Variants in GRID2 observed in about 807,000 individuals in gnomAD.
GRID2 encodes glutamate receptor ionotropic, delta-2.
A neutral mutation model predicts 114.8 loss-of-function variants in GRID2; 33 were observed. That is an observed-to-expected ratio of 0.29 (90% CI 0.22 to 0.38). The LOEUF (loss-of-function observed/expected upper bound fraction) is 0.38, where lower values mean the gene tolerates loss of function less well. Ranked by LOEUF, GRID2 falls within the 10% of genes least tolerant of loss-of-function variation. The pLI is 1.00. For missense variants in GRID2, 1,184 were observed against 1,257.7 expected (o/e 0.94, Z 0.89); for synonymous variants, 505 against 449.9 (o/e 1.12, Z -1.55).
intron 8 of GRID2, among the ~76,000 whole-genome samples, chr4:93,385,578 A>G (rs940564148): frequency 3.3e-5 from 5 of 152,198 alleles, no homozygotes; most frequent in African/African-American, 4.8e-5. Flanking sequence ...AGAGGCAAAG[A>G]TCTTTGCCTA....
intron 7 of GRID2, among the ~76,000 whole-genome samples, chr4:93,228,754 C>G (rs1745788277): frequency 6.6e-6 from 1 of 152,060 alleles, no homozygotes; most frequent in Admixed American, 6.6e-5. Context: ...CATGGTTTGG[C>G]TAGGATGCAG....
At chr4:92,492,334 G>A (rs181193987) in intron 1 of GRID2, among the ~76,000 whole-genome samples, 7 of 152,142 alleles carry the variant, frequency 4.6e-5, no homozygotes, top group South Asian at 2.1e-4. Context: ...GATTTTAACC[G>A]TCCCCAATGT....
At chr4:92,932,026 A>C (rs1484313732) in intron 2 of GRID2, among the ~76,000 whole-genome samples, 1 of 151,308 alleles carries the variant, frequency 6.6e-6, no homozygotes, top group African/African-American at 2.4e-5. Flanking sequence ...CTCAATTTGG[A>C]AGTAGGCAAC....
chr4:92,850,292 T>C (rs1289474292), intron 2 of GRID2, among the ~76,000 whole-genome samples: 3 of 151,702 alleles, frequency 2.0e-5, no homozygotes, highest in African/African-American at 7.2e-5. Flanking sequence ...TTGTATGTTA[T>C]AATTATTCTC....
chr4:93,800,072 T>A (rs949981379), intron 1 of GRID2, among the ~76,000 whole-genome samples: 8 of 152,236 alleles, frequency 5.3e-5, no homozygotes, highest in Admixed American at 5.2e-4. Flanking sequence ...AGAGTAGGAG[T>A]TGGTCTAATA....
chr4:92,818,201 A>G (rs1741032316), intron 2 of GRID2, among the ~76,000 whole-genome samples: 1 of 152,150 alleles, frequency 6.6e-6, no homozygotes, highest in Non-Finnish European at 1.5e-5. Flanking sequence ...TTATAAACTG[A>G]TAAGCAGAAT....
intron 4 of GRID2, among the ~76,000 whole-genome samples, chr4:93,162,839 A>G (rs1737809623): frequency 6.6e-6 from 1 of 151,982 alleles, no homozygotes; most frequent in Non-Finnish European, 1.5e-5. Context: ...AGAACACCCA[A>G]GAGGCAATAT....
chr4:92,488,177 T>C (rs1375006963), intron 1 of GRID2, among the ~76,000 whole-genome samples: 1 of 152,184 alleles, frequency 6.6e-6, no homozygotes, highest in Non-Finnish European at 1.5e-5. Flanking sequence ...ACTCAATTCC[T>C]GTCAAATGTT....
intron 2 of GRID2, among the ~76,000 whole-genome samples, chr4:93,033,183 A>G (rs1365550330): frequency 6.6e-6 from 1 of 152,158 alleles, no homozygotes; most frequent in African/African-American, 2.4e-5. Context: ...AGTTCACACA[A>G]GACCACCCTC....
intron 8 of GRID2, among the ~76,000 whole-genome samples, chr4:93,265,205 A>G (rs1210299223): frequency 6.6e-6 from 1 of 152,192 alleles, no homozygotes; most frequent in Non-Finnish European, 1.5e-5. Flanking sequence ...AGGAACTGGA[A>G]AGATAAGGTG....
At chr4:92,837,387 G>T (rs577449074) in intron 2 of GRID2, among the ~76,000 whole-genome samples, 1 of 150,264 alleles carries the variant, frequency 6.7e-6, no homozygotes, top group Non-Finnish European at 1.5e-5. Flanking sequence ...TATTGGGTCC[G>T]TTTCAACACT....
chr4:93,021,882 A>C (rs1166352618), intron 2 of GRID2, among the ~76,000 whole-genome samples: 1 of 148,966 alleles, frequency 6.7e-6, no homozygotes, highest in East Asian at 1.9e-4. Flanking sequence ...TGTAAATGAT[A>C]AAATTTTTAA....
chr4:92,976,593 C>T (rs1016252649), intron 2 of GRID2, among the ~76,000 whole-genome samples: 9 of 152,186 alleles, frequency 5.9e-5, no homozygotes, highest in African/African-American at 2.2e-4. Flanking sequence ...ATTCCCACTT[C>T]CCAACTTGCC....
intron 1 of GRID2, among the ~76,000 whole-genome samples, chr4:92,376,095 GA>G (rs1308734564): frequency 6.6e-6 from 1 of 151,688 alleles, no homozygotes; most frequent in Non-Finnish European, 1.5e-5. Flanking sequence ...GCAAAATGGG[GA>G]AAAAATTATA....
In GRID2 at chr4:93,149,486, G is replaced by T. The variant is rs562818773; in HGVS notation, c.735+38533G>T. On this transcript the variant is annotated intron_variant, in intron 4 of 15. Transcript: ENST00000282020. ...AGCTACTTGGGAGGCTGAAGCAGGAGAATTGCTTGAATACGGGATGCAGAG... is the reference window on the plus strand; with the variant it reads ...AGCTACTTGGGAGGCTGAAGCAGGATAATTGCTTGAATACGGGATGCAGAG... Among the ~76,000 whole-genome samples the T allele has an allele frequency of 4.6e-5, 7 of 151,330 alleles. No individual in the cohort carries two copies. The East Asian group carries it at 1.2e-3, about 26-fold the overall frequency.
intron 2 of GRID2, among the ~76,000 whole-genome samples, chr4:92,916,096 G>C (rs948342769): frequency 6.6e-6 from 1 of 151,930 alleles, no homozygotes; most frequent in Non-Finnish European, 1.5e-5. Flanking sequence ...GTCAATTTTA[G>C]CTTTTGTTGC....
chr4:92,602,112 A>G (rs1484478332), intron 2 of GRID2, among the ~76,000 whole-genome samples: 1 of 151,998 alleles, frequency 6.6e-6, no homozygotes, highest in African/African-American at 2.4e-5. Context: ...ATTTCTTCTG[A>G]AACTATTCCA....
chr4:92,846,278 A>G (rs990729094), intron 2 of GRID2, among the ~76,000 whole-genome samples: 1 of 152,030 alleles, frequency 6.6e-6, no homozygotes, highest in African/African-American at 2.4e-5. Context: ...GGTACTGAGT[A>G]TATAGTACCT....
At chr4:93,496,641 G>A (rs965840217) in intron 12 of GRID2, among the ~76,000 whole-genome samples, 6 of 151,730 alleles carry the variant, frequency 4.0e-5, no homozygotes, top group African/African-American at 9.7e-5. Context: ...GTGGCCTTTC[G>A]AAAATGGCTT....
Sources: allele counts gnomAD v4.1 joint callset (sites outside exome capture counted in the v4.1 genomes callset), GRCh38; gene constraint gnomAD v4.1.1; transcripts MANE v1.5; gene names NCBI Gene and HGNC (gene_info 2026-07-23, HGNC 2026-07-21).